Variants in VIRMA observed in about 807,000 individuals in gnomAD.
VIRMA encodes the protein vir like m6A methyltransferase associated, also known as protein virilizer homolog.
A neutral mutation model predicts 182.4 loss-of-function variants in VIRMA; 65 were observed. That is an observed-to-expected ratio of 0.36 (90% CI 0.29 to 0.44). The LOEUF (loss-of-function observed/expected upper bound fraction) is 0.44. Among genes scored for constraint, VIRMA ranks in the 20% least tolerant of loss-of-function variants. VIRMA has a pLI of 1.00. For missense variants in VIRMA, 1,752 were observed against 2,158.1 expected (o/e 0.81, Z 3.73); for synonymous variants, 709 against 743.1 (o/e 0.95, Z 0.75).
At chr8:94,499,622 T>G (rs1303473275) in intron 16 of VIRMA, 116 bp from the exon 17 acceptor site, 7 of 668,730 alleles carry the variant, frequency 1.0e-5, no homozygotes, top group Non-Finnish European at 1.6e-5. Context: ...TTTTTAAAAA[T>G]GCTAAGAAGT....
At chr8:94,496,555 T>TTAA in intron 17 of VIRMA, 75 bp from the exon 18 acceptor site, 1 of 1,212,864 alleles carries the variant, frequency 8.2e-7, no homozygotes, top group South Asian at 1.5e-5. Flanking sequence ...ATTCATATTA[T>TTAA]CTAAGCCATA....
intron 22 of VIRMA, among the ~76,000 whole-genome samples, chr8:94,490,675 C>T (rs1454285890): frequency 3.3e-5 from 5 of 151,830 alleles, no homozygotes; most frequent in African/African-American, 7.3e-5. Context: ...GGTGAGACCC[C>T]GTCTCTACTA....
Position 94,506,559 on chromosome 8 carries a change from T to C in VIRMA, c.4038A>G (p.Thr1346=), listed in dbSNP as rs1038543778. 4.3e-6 allele frequency: 7 copies of C among 1,613,654 alleles called. No homozygotes were observed. Among genetic ancestry groups the C allele is most frequent in the African/African-American group, 2.7e-5 (2 of 74,906 alleles). The change falls in exon 16 of 24, where the codon ACA becomes ACG. Residue 1346 remains threonine (T), a synonymous_variant. Transcript: ENST00000297591. Reference sequence around the variant, plus strand: ...CAAGAAACATCATTGTTCTGACACATGTCAGTAAACAGTTGTAACTGCTCT... The same window carrying C: ...CAAGAAACATCATTGTTCTGACACACGTCAGTAAACAGTTGTAACTGCTCT... ...NSESSYNCLL[T]CVRTMMFLAE... is the part of the protein sequence containing the mutation.
At chr8:94,512,147 A>G (rs1814403143) in intron 11 of VIRMA, 58 bp from the exon 12 acceptor site, 2 of 745,086 alleles carry the variant, frequency 2.7e-6, no homozygotes, top group Admixed American at 3.6e-5. Flanking sequence ...AGATCAACAG[A>G]AAATTCCAGA....
intron 16 of VIRMA, among the ~76,000 whole-genome samples, chr8:94,501,495 C>A (rs1190155990): frequency 1.3e-5 from 2 of 152,136 alleles, no homozygotes; most frequent in East Asian, 3.8e-4. Flanking sequence ...TTGTTTCCCA[C>A]AGGAGTATGG....
Position 94,491,699 on chromosome 8 carries a change from T to G in VIRMA, c.5019A>C (p.Pro1673=), listed in dbSNP as rs1168830285. The change falls in exon 22 of 24, where the codon CCA becomes CCC. Residue 1673 remains proline (P), a synonymous_variant. Transcript: ENST00000297591. ...KEVVPQDGIP[P]PKRPLKVSQK... ...GTGATACTTTGAGTGGCCGTTTTGG[T>G]GGAGGTATTCCATCTTGAGGAACCA... 10 of 1,614,188 alleles carry G rather than the reference T, an allele frequency of 6.2e-6. No homozygotes were observed. In the East Asian group the frequency reaches 2.2e-4, roughly 36 times the overall value.
rs1814372847 is a variant in VIRMA at position 94,511,486 on chromosome 8, T to C, written c.3089A>G (p.Asp1030Gly). ...AACAAGCGCTGAAGGAACACGCATG[T>C]CCTTAAACTCAAAGGATCCACCTCT... The part of the protein sequence containing the change: ...LLRGGSFEFK[D>G]MRVPSALVTL... Residue 1030 changes from aspartate (D) to glycine (G), a missense_variant, in exon 13 of 24, where the codon GAC becomes GGC. Physicochemically the swap from Asp to Gly is moderately conservative, Grantham distance 94. Transcript: ENST00000297591. 1 of 1,614,132 alleles carries C rather than the reference T, an allele frequency of 6.2e-7. No individual in the cohort carries two copies. Among genetic ancestry groups the C allele is most frequent in the Non-Finnish European group, 8.5e-7 (1 of 1,180,018 alleles).
At chr8:94,505,652 T>G (rs1814129328) in intron 16 of VIRMA, among the ~76,000 whole-genome samples, 1 of 151,958 alleles carries the variant, frequency 6.6e-6, no homozygotes, top group African/African-American at 2.4e-5. Context: ...CCAACTAATT[T>G]GTAAATTTTT....
At chr8:94,508,980 A>G (rs761275472) in intron 15 of VIRMA, among the ~76,000 whole-genome samples, 2 of 152,228 alleles carry the variant, frequency 1.3e-5, no homozygotes, top group Non-Finnish European at 2.9e-5. Flanking sequence ...GACAACAGGA[A>G]AAAATACTAC....
At chr8:94,539,567 T>G (rs929524091) in intron 2 of VIRMA, among the ~76,000 whole-genome samples, 5 of 152,222 alleles carry the variant, frequency 3.3e-5, no homozygotes, top group African/African-American at 1.2e-4. Context: ...TGTTAATAAC[T>G]ATAATGTCTA....
intron 9 of VIRMA, among the ~76,000 whole-genome samples, chr8:94,518,154 A>G (rs1475390424): frequency 6.6e-6 from 1 of 152,230 alleles, no homozygotes; most frequent in Non-Finnish European, 1.5e-5. Context: ...AAAAGCATAC[A>G]TATCACCATG....
intron 4 of VIRMA, 134 bp downstream of exon 4, chr8:94,536,969 A>T: frequency 1.5e-6 from 1 of 689,104 alleles, no homozygotes. Flanking sequence ...ACAGAGCGAG[A>T]CTCCGTCTCA....
intron 9 of VIRMA, among the ~76,000 whole-genome samples, chr8:94,518,734 T>C (rs1814649044): frequency 6.6e-6 from 1 of 152,144 alleles, no homozygotes. Flanking sequence ...CAGCAGGGGG[T>C]ACTACAGTTG....
In VIRMA at chr8:94,490,006, T is replaced by C. The variant is rs200609043; in HGVS notation, c.5217A>G (p.Glu1739=). Residue 1739 remains glutamate, a synonymous_variant, in exon 23 of 24, where the codon GAA becomes GAG. Coordinates refer to ENST00000297591, the MANE Select transcript of VIRMA (RefSeq NM_015496.5). ...AQNTPRGNYN[E]SRGGQSNFNR... ...TAAAATTGCTCTGGCCTCCACGACT[T>C]TCATTGTAATTTCCTCGAGGAGTAT... The C allele has an allele frequency of 1.7e-5, 27 of 1,614,180 alleles. No homozygotes were observed. Among genetic ancestry groups the C allele is most frequent in the Non-Finnish European group, 2.3e-5 (27 of 1,180,020 alleles).
chr8:94,521,305 A>G (rs555651694), intron 8 of VIRMA, among the ~76,000 whole-genome samples: 2 of 152,196 alleles, frequency 1.3e-5, no homozygotes, highest in South Asian at 4.2e-4. Context: ...AACATGCAGT[A>G]TTTGGTTTTC....
At chr8:94,505,207 G>C (rs1814113911) in intron 16 of VIRMA, among the ~76,000 whole-genome samples, 1 of 152,182 alleles carries the variant, frequency 6.6e-6, no homozygotes, top group Non-Finnish European at 1.5e-5. Flanking sequence ...ATCAGGACAA[G>C]GAGATGCAGA....
At chr8:94,505,446 C>G (rs1814121072) in intron 16 of VIRMA, among the ~76,000 whole-genome samples, 1 of 151,926 alleles carries the variant, frequency 6.6e-6, no homozygotes, top group Non-Finnish European at 1.5e-5. Context: ...ATACTTGAGA[C>G]AGTGAGCAGT....
intron 15 of VIRMA, among the ~76,000 whole-genome samples, chr8:94,508,465 T>A (rs1056465297): frequency 2.0e-5 from 3 of 152,162 alleles, no homozygotes; most frequent in Non-Finnish European, 2.9e-5. Flanking sequence ...AAACTCGTAT[T>A]CAACTTGGCT....
chr8:94,508,063 TA>T (rs1814233555), intron 15 of VIRMA, among the ~76,000 whole-genome samples: 1 of 151,976 alleles, frequency 6.6e-6, no homozygotes, highest in Non-Finnish European at 1.5e-5. Flanking sequence ...ATGATAACTC[TA>T]AAAACTCCTG....
Sources: allele counts gnomAD v4.1 joint callset (sites outside exome capture counted in the v4.1 genomes callset), GRCh38; gene constraint gnomAD v4.1.1; transcripts MANE v1.5; gene names NCBI Gene and HGNC (gene_info 2026-07-23, HGNC 2026-07-21).